Variants in ANO3 observed in about 807,000 individuals in gnomAD.
The protein encoded by ANO3 is anoctamin 3.
Under a neutral mutation model 144.8 loss-of-function variants are expected in ANO3, and 99 were observed. The observed-to-expected ratio is 0.68, with a 90% confidence interval of 0.58 to 0.81. The LOEUF is 0.81. ANO3 is among the 30% of genes least tolerant of loss of function. The pLI is 0.00. For missense variants in ANO3, 905 were observed against 1,202.2 expected, an observed-to-expected ratio of 0.75 and a Z score of 3.66; for synonymous variants, 414 against 392.6, an observed-to-expected ratio of 1.05 and a Z score of -0.64.
chr11:26,575,232 TAATA>T lies in ANO3; in HGVS notation c.1447+15454_1447+15457del, dbSNP rs1850955750. Among the ~76,000 whole-genome samples the T allele has an allele frequency of 2.0e-5, 3 of 151,992 alleles. No individual in the cohort carries two copies. The South Asian group carries it at 6.2e-4, about 31-fold the overall frequency. On this transcript the variant is annotated intron_variant, in intron 14 of 26. Transcript: ENST00000256737. Reference sequence around the variant, plus strand: ...ATATAACAGTCTTAGATTTTGCATTTAATATTCATTAAAATTTAAAATTGATTAT... The same window carrying T: ...ATATAACAGTCTTAGATTTTGCATTTTTCATTAAAATTTAAAATTGATTAT...
intron 9 of ANO3, among the ~76,000 whole-genome samples, chr11:26,536,517 A>C (rs1849513146): frequency 6.6e-6 from 1 of 151,934 alleles, no homozygotes; most frequent in Non-Finnish European, 1.5e-5. Flanking sequence ...TCACTTATAC[A>C]TTTTTAAGTT....
chr11:26,406,937 C>T (rs1400945874), intron 1 of ANO3, among the ~76,000 whole-genome samples: 2 of 145,612 alleles, frequency 1.4e-5, no homozygotes, highest in Non-Finnish European at 3.0e-5. Context: ...TATATAAATA[C>T]ATCTGTGTAT....
intron 1 of ANO3, among the ~76,000 whole-genome samples, chr11:26,313,272 C>T (rs1854543132): frequency 6.6e-6 from 1 of 152,070 alleles, no homozygotes; most frequent in Non-Finnish European, 1.5e-5. Context: ...AGACACTGAG[C>T]AAAGTGTGAG....
At chr11:26,394,574 T>C (rs1264049680) in intron 1 of ANO3, among the ~76,000 whole-genome samples, 4 of 147,310 alleles carry the variant, frequency 2.7e-5, no homozygotes, top group Non-Finnish European at 6.0e-5. Flanking sequence ...CATTTTCTTT[T>C]TTTTTTTTTT....
upstream of ANO3, among the ~76,000 whole-genome samples, chr11:26,308,058 G>C (rs1372828293): frequency 6.6e-6 from 1 of 152,058 alleles, no homozygotes; most frequent in African/African-American, 2.4e-5. Flanking sequence ...AAGATATTTA[G>C]TTCAAATTTA....
At chr11:26,598,485 C>A in intron 15 of ANO3, 38 bp downstream of exon 15, 1 of 1,400,310 alleles carries the variant, frequency 7.1e-7, no homozygotes, top group Non-Finnish European at 9.8e-7. Flanking sequence ...GGAAACTGGG[C>A]TATTACAGGA....
At chr11:26,198,437 A>C (rs2133909730) in intron 1 of ANO3, among the ~76,000 whole-genome samples, 1 of 152,274 alleles carries the variant, frequency 6.6e-6, no homozygotes, top group East Asian at 1.9e-4. Flanking sequence ...TGTATGCTGA[A>C]GGAAAAATAA....
chr11:26,220,196 G>T (rs1852114131), intron 1 of ANO3, among the ~76,000 whole-genome samples: 4 of 152,176 alleles, frequency 2.6e-5, no homozygotes, highest in African/African-American at 9.7e-5. Flanking sequence ...TGGAGGTAAA[G>T]ATTGGTCTCA....
chr11:26,312,399 G>A, intron 1 of ANO3, among the ~76,000 whole-genome samples: 1 of 152,128 alleles, frequency 6.6e-6, no homozygotes, highest in East Asian at 1.9e-4. Flanking sequence ...TTCTAGTTCT[G>A]GATCCTTGAG....
chr11:26,259,911 G>A (rs1043189457), intron 1 of ANO3, among the ~76,000 whole-genome samples: 3 of 152,004 alleles, frequency 2.0e-5, no homozygotes, highest in African/African-American at 7.3e-5. Flanking sequence ...TGGCTAACAC[G>A]TTACCCTGGC....
At chr11:26,505,529 C>G (rs375287221) in intron 4 of ANO3, among the ~76,000 whole-genome samples, 1 of 152,080 alleles carries the variant, frequency 6.6e-6, no homozygotes, top group African/African-American at 2.4e-5. Flanking sequence ...GCAAGATAAC[C>G]AGTGAATAGT....
chr11:26,392,167 T>A (rs1856897924), intron 1 of ANO3, among the ~76,000 whole-genome samples: 1 of 151,930 alleles, frequency 6.6e-6, no homozygotes, highest in Non-Finnish European at 1.5e-5. Context: ...CTCACTGGGA[T>A]TGTGGAGATT....
intron 1 of ANO3, among the ~76,000 whole-genome samples, chr11:26,212,737 C>T (rs949393832): frequency 2.6e-5 from 4 of 151,998 alleles, no homozygotes; most frequent in Admixed American, 6.6e-5. Context: ...CCTTCTGATA[C>T]TATTCTAAAC....
chr11:26,537,401 T>C lies in ANO3; in HGVS notation c.977-5T>C, dbSNP rs1849538026. The C allele has an allele frequency of 2.5e-6, 4 of 1,610,976 alleles. No homozygotes were observed. The South Asian group carries it at 3.3e-5, about 13-fold the overall frequency. ...TCAATAACTGTCCTTTTCTTCTCTT[T>C]GCAGGTATCCGTAAACTTATAAACA... On this transcript the variant is annotated splice_region_variant and splice_polypyrimidine_tract_variant and intron_variant, in intron 9 of 26. Coordinates refer to ENST00000256737, the MANE Select transcript of ANO3 (RefSeq NM_031418.4).
At chr11:26,347,155 C>T (rs1209171286) in intron 1 of ANO3, among the ~76,000 whole-genome samples, 2 of 152,176 alleles carry the variant, frequency 1.3e-5, no homozygotes, top group African/African-American at 4.8e-5. Context: ...TTGACTGCTT[C>T]AAACATTATC....
Position 26,547,404 on chromosome 11 carries a change from T to C in ANO3, c.1155-12T>C. On this transcript the variant is annotated splice_polypyrimidine_tract_variant and intron_variant, in intron 11 of 26. Coordinates refer to ENST00000256737, the MANE Select transcript of ANO3 (RefSeq NM_031418.4). ...GCCTTAACTCAGTCTAAGGATTTGC[T>C]TTCTCATGCAGGCTATACTTTGGTG... The C allele has an allele frequency of 6.2e-7, 1 of 1,610,560 alleles. No individual in the cohort carries two copies. The highest frequency in any genetic ancestry group is 8.5e-7 in the Non-Finnish European group (1 of 1,177,606).
chr11:26,452,007 C>G (rs1425890170), intron 3 of ANO3, among the ~76,000 whole-genome samples: 3 of 152,210 alleles, frequency 2.0e-5, no homozygotes, highest in Admixed American at 6.5e-5. Flanking sequence ...CAAACTCCAA[C>G]AGACCTGCAG....
chr11:26,259,479 C>G (rs1341804741), intron 1 of ANO3, among the ~76,000 whole-genome samples: 1 of 150,402 alleles, frequency 6.6e-6, no homozygotes, highest in African/African-American at 2.5e-5. Context: ...GAAACCCCAT[C>G]TCTACTAAAA....
chr11:26,522,195 A>G (rs1430711001), intron 6 of ANO3, among the ~76,000 whole-genome samples: 2 of 149,722 alleles, frequency 1.3e-5, no homozygotes, highest in African/African-American at 2.5e-5. Flanking sequence ...AAACAAACAA[A>G]CAGCAACAAC....
Sources: gnomAD v4.1 joint callset for allele counts (sites outside exome capture counted in the v4.1 genomes callset) on GRCh38, gnomAD v4.1.1 for gene constraint, MANE v1.5 for transcripts, NCBI Gene and HGNC (gene_info 2026-07-23, HGNC 2026-07-21) for gene names.